Variants in ARHGEF10L observed in about 807,000 individuals in gnomAD.
The protein encoded by ARHGEF10L is Rho guanine nucleotide exchange factor 10 like.
A neutral mutation model predicts 141.2 loss-of-function variants in ARHGEF10L; 69 were observed. The observed-to-expected ratio is 0.49, with a 90% CI of 0.40 to 0.60. The LOEUF is 0.60. Ranked by LOEUF, ARHGEF10L falls within the 20% of genes least tolerant of loss-of-function variation. The pLI, the probability that ARHGEF10L is intolerant of heterozygous loss-of-function variation, is 0.00. For synonymous variants in ARHGEF10L, 711 were observed against 718.5 expected, an observed-to-expected ratio of 0.99 and a Z score of 0.17; for missense variants, 1,482 against 1,734.3, an observed-to-expected ratio of 0.85 and a Z score of 2.58.
upstream of ARHGEF10L, among the ~76,000 whole-genome samples, chr1:17,536,139 A>T (rs553065427): frequency 6.6e-6 from 1 of 152,318 alleles, no homozygotes; most frequent in Non-Finnish European, 1.5e-5. Flanking sequence ...CCGAGGGCAA[A>T]GGCTCAGAGA....
intron 12 of ARHGEF10L, 68 bp from the exon 13 acceptor site, chr1:17,624,319 A>T (rs896544113): frequency 4.3e-5 from 57 of 1,316,994 alleles, no homozygotes; most frequent in Non-Finnish European, 6.0e-5. Flanking sequence ...CCTGGCCCAC[A>T]CCTGCCTCGT....
At chr1:17,605,714 G>A (rs1292985413) in intron 6 of ARHGEF10L, among the ~76,000 whole-genome samples, 1 of 152,136 alleles carries the variant, frequency 6.6e-6, no homozygotes, top group Non-Finnish European at 1.5e-5. Flanking sequence ...ACCGAGGATG[G>A]AGGTGGTTGG....
intron 18 of ARHGEF10L, among the ~76,000 whole-genome samples, chr1:17,635,402 C>T (rs972747567): frequency 3.3e-5 from 5 of 152,216 alleles, no homozygotes; most frequent in Non-Finnish European, 5.9e-5. Flanking sequence ...CACGTCATCC[C>T]GCCCCAGTGG....
At chr1:17,635,046 C>T (rs373233224) in intron 18 of ARHGEF10L, 30 bp downstream of exon 18, 141 of 1,611,638 alleles carry the variant, frequency 8.7e-5, no homozygotes, top group Non-Finnish European at 1.1e-4. Context: ...GCCCTGCGTT[C>T]GTCACCCTCG....
chr1:17,656,441 C>A lies in ARHGEF10L; in HGVS notation c.2706-113C>A. On this transcript the variant is annotated intron_variant, in intron 24 of 28. Coordinates refer to ENST00000361221, the MANE Select transcript of ARHGEF10L (RefSeq NM_018125.4). The surrounding 1 kb of genome is among the most constrained non-coding windows in gnomAD (Gnocchi z 4.9). ...ATGGCCTGGCCACACAGCCGAAAGG[C>A]GTGGCTGAGAGGGGTCAGCTCCCTG... 2 of 1,315,128 alleles carry A rather than the reference C, an allele frequency of 1.5e-6. No homozygotes were observed. The highest frequency in any genetic ancestry group is 2.1e-6 in the Non-Finnish European group (2 of 949,366). 81.5% of individuals were successfully genotyped at this position (1,315,128 alleles called of 1,614,324 possible).
chr1:17,558,166 TATGCATCCATCCATCC>T lies in ARHGEF10L; in HGVS notation c.-44+18219_-44+18234del, dbSNP rs1344673925. Among the ~76,000 whole-genome samples, 2 of 151,642 alleles carry T rather than the reference TATGCATCCATCCATCC, an allele frequency of 1.3e-5. No homozygotes were observed. Among genetic ancestry groups the T allele is most frequent in the Admixed American group, 6.6e-5 (1 of 15,194 alleles). ...TCATCCATTTATCCATCCATCCATC[TATGCATCCATCCATCC>T]ATCCACCCATCCATCCATCCATCCA... On this transcript the variant is annotated intron_variant, in intron 1 of 28. Transcript: ENST00000361221. This position sits in a 1 kb window ranked among gnomAD's most constrained non-coding sequence, Gnocchi z 4.2.
intron 18 of ARHGEF10L, among the ~76,000 whole-genome samples, chr1:17,635,660 C>T (rs184696309): frequency 6.6e-6 from 1 of 152,330 alleles, no homozygotes; most frequent in Non-Finnish European, 1.5e-5. Flanking sequence ...TGGGCCAGGT[C>T]GCCCCTCCTG....
At chr1:17,608,896 G>A (rs2059396290) in intron 7 of ARHGEF10L, among the ~76,000 whole-genome samples, 1 of 152,142 alleles carries the variant, frequency 6.6e-6, no homozygotes, top group Non-Finnish European at 1.5e-5. Context: ...GCAATTTTCT[G>A]CTTCAGCCTC....
intron 4 of ARHGEF10L, among the ~76,000 whole-genome samples, chr1:17,591,365 C>T (rs2079524497): frequency 6.6e-6 from 1 of 151,754 alleles, no homozygotes; most frequent in African/African-American, 2.4e-5. Context: ...GCCTTAGCCT[C>T]CCGAGTAGCT....
intron 13 of ARHGEF10L, 31 bp downstream of exon 13, chr1:17,624,534 C>A: frequency 6.4e-7 from 1 of 1,563,268 alleles, no homozygotes; most frequent in South Asian, 1.1e-5. Context: ...CGTGCCTGGT[C>A]AGGGTGGGCA....
At chr1:17,609,497 A>G (rs557261929) in intron 7 of ARHGEF10L, among the ~76,000 whole-genome samples, 1 of 152,382 alleles carries the variant, frequency 6.6e-6, no homozygotes, top group Non-Finnish European at 1.5e-5. Context: ...ATCTGTGCTC[A>G]GTGAACCTTT....
At chr1:17,523,335 C>T in the ARHGEF10L span, among the ~76,000 whole-genome samples, 2 of 152,138 alleles carry the variant, frequency 1.3e-5, no homozygotes, top group South Asian at 2.1e-4. Flanking sequence ...GTAATCAGCC[C>T]GCCTTGGCCT....
Position 17,691,623 on chromosome 1 carries a change from T to C in ARHGEF10L, c.3185-3535T>C, listed in dbSNP as rs567741508. On this transcript the variant is annotated intron_variant, in intron 27 of 28. Coordinates refer to ENST00000361221, the MANE Select transcript of ARHGEF10L (RefSeq NM_018125.4). ...AGCGTCCAGATCCTTTTAATAATCA[T>C]AAACATTATCCTAATAGCCTCTATT... 3.3e-5 allele frequency among the ~76,000 whole-genome samples: 5 copies of C among 152,338 alleles called. 1 individual carries two copies. In the East Asian group the frequency reaches 9.6e-4, roughly 29 times the overall value.
intron 1 of ARHGEF10L, among the ~76,000 whole-genome samples, chr1:17,562,836 T>C (rs939398363): frequency 6.6e-6 from 1 of 152,130 alleles, no homozygotes; most frequent in African/African-American, 2.4e-5. Flanking sequence ...CAAGAGGTGT[T>C]TGTTGAACTA....
rs570863693 is a variant in ARHGEF10L at position 17,645,072 on chromosome 1, C to T, written c.2273-3482C>T. 3.3e-5 allele frequency among the ~76,000 whole-genome samples: 5 copies of T among 152,242 alleles called. No individual in the cohort carries two copies. The South Asian group carries it at 1.0e-3, about 32-fold the overall frequency. On this transcript the variant is annotated intron_variant, in intron 21 of 28. Transcript: ENST00000361221. ...GGGGATCTGCAACCCTGGAGCTGCT[C>T]CCTGTGTCCCATGGGGAGCTCTCAT...
rs563763437 is a variant in ARHGEF10L at position 17,619,206 on chromosome 1, C to T, written c.836-133C>T. ...GAGCTACCGGGCGGCTCTAACCCCACGGGGCCCCAGGAGCTGCTTGCACCC... is the reference window on the plus strand; with the variant it reads ...GAGCTACCGGGCGGCTCTAACCCCATGGGGCCCCAGGAGCTGCTTGCACCC... On this transcript the variant is annotated intron_variant, in intron 9 of 28. Coordinates refer to ENST00000361221, the MANE Select transcript of ARHGEF10L (RefSeq NM_018125.4). This position sits in a 1 kb window ranked among gnomAD's most constrained non-coding sequence, Gnocchi z 5.0. 5.8e-5 allele frequency: 47 copies of T among 808,472 alleles called. No individual in the cohort carries two copies. The highest frequency in any genetic ancestry group is 1.8e-4 in the African/African-American group (10 of 56,654). 50.1% of individuals were successfully genotyped at this position (808,472 alleles called of 1,614,324 possible). A position where few individuals can be genotyped will look rare whatever the true frequency, so the allele number is the denominator to read the frequency against.
chr1:17,590,229 T>A (rs1156292124), intron 4 of ARHGEF10L, among the ~76,000 whole-genome samples: 1 of 152,128 alleles, frequency 6.6e-6, no homozygotes, highest in Non-Finnish European at 1.5e-5. Context: ...TGAGAGGGTG[T>A]GGCTGGCTTC....
chr1:17,582,324 G>A (rs1241494957), intron 2 of ARHGEF10L, among the ~76,000 whole-genome samples: 1 of 152,072 alleles, frequency 6.6e-6, no homozygotes, highest in Non-Finnish European at 1.5e-5. Flanking sequence ...AAAAATTTAT[G>A]ACTAAGTCAA....
intron 1 of ARHGEF10L, among the ~76,000 whole-genome samples, chr1:17,575,183 G>A (rs1427083456): frequency 6.6e-6 from 1 of 152,188 alleles, no homozygotes; most frequent in Non-Finnish European, 1.5e-5. Context: ...CTTGGGGAGG[G>A]CAACAGTTAT....
Sources: gnomAD v4.1 joint callset for allele counts (sites outside exome capture counted in the v4.1 genomes callset) on GRCh38, gnomAD v4.1.1 for gene constraint, Gnocchi (gnomAD v3.1) non-coding constraint, MANE v1.5 for transcripts, NCBI Gene and HGNC (gene_info 2026-07-23, HGNC 2026-07-21) for gene names.